Variants in AKAP6 observed in about 807,000 individuals in gnomAD.
The protein encoded by AKAP6 is A-kinase anchoring protein 6, also known as A-kinase anchor protein 6.
In AKAP6, 58 loss-of-function variants were observed where a neutral mutation model predicts 188.5. The ratio of observed to expected loss-of-function variants is 0.31; its 90% CI spans 0.25 to 0.38. The LOEUF (loss-of-function observed/expected upper bound fraction) is 0.38, where lower values mean the gene tolerates loss of function less well. Among genes scored for constraint, AKAP6 ranks in the 10% least tolerant of loss-of-function variants. The pLI, the probability that AKAP6 is intolerant of heterozygous loss-of-function variation, is 1.00. For missense variants in AKAP6, 2,710 were observed against 2,740.0 expected (o/e 0.99, Z 0.24); for synonymous variants, 989 against 998.6 (o/e 0.99, Z 0.18).
chr14:32,466,433 G>A (rs987995131), intron 2 of AKAP6, among the ~76,000 whole-genome samples: 1 of 152,112 alleles, frequency 6.6e-6, no homozygotes, highest in Non-Finnish European at 1.5e-5. Flanking sequence ...GCAGGGACAT[G>A]GATGAAGCTG....
At chr14:32,479,131 A>T (rs1184503389) in intron 2 of AKAP6, among the ~76,000 whole-genome samples, 1 of 152,194 alleles carries the variant, frequency 6.6e-6, no homozygotes, top group Non-Finnish European at 1.5e-5. Context: ...ATTATATACA[A>T]TTGCTTTTAA....
chr14:32,725,013 A>AAAAC (rs2030791342), intron 9 of AKAP6, among the ~76,000 whole-genome samples: 1 of 150,244 alleles, frequency 6.7e-6, no homozygotes, highest in African/African-American at 2.4e-5. Flanking sequence ...AAAAAAAAAA[A>AAAAC]AAAACAATTT....
chr14:32,425,621 G>GGAAGGAGAGGAAT (rs1400788300), intron 1 of AKAP6, among the ~76,000 whole-genome samples: 14 of 151,514 alleles, frequency 9.2e-5, no homozygotes, highest in African/African-American at 3.4e-4. Context: ...AGGGAAGGAA[G>GGAAGGAGAGGAAT]GAAGGAGAGG....
intron 8 of AKAP6, among the ~76,000 whole-genome samples, chr14:32,688,629 T>C (rs1003259562): frequency 6.6e-6 from 1 of 152,126 alleles, no homozygotes; most frequent in Non-Finnish European, 1.5e-5. Flanking sequence ...TGTTGAGACC[T>C]GAGAGGAATT....
At chr14:32,812,320 C>T (rs2034257564) in intron 12 of AKAP6, among the ~76,000 whole-genome samples, 1 of 152,098 alleles carries the variant, frequency 6.6e-6, no homozygotes, top group African/African-American at 2.4e-5. Flanking sequence ...TTATTTGTTT[C>T]AGTTCTATGT....
chr14:32,732,438 T>C lies in AKAP6; in HGVS notation c.3001-16T>C. ...CTCTCTCCCTAATGATATCTCTTTT[T>C]CTCTTTTCATTTTAGCGATACAGTG... On this transcript the variant is annotated splice_polypyrimidine_tract_variant and intron_variant, in intron 9 of 13. Coordinates refer to ENST00000280979, the MANE Select transcript of AKAP6 (RefSeq NM_004274.5). 1.2e-6 allele frequency: 2 copies of C among 1,605,118 alleles called. No individual in the cohort carries two copies. The highest frequency in any genetic ancestry group is 8.5e-7 in the Non-Finnish European group (1 of 1,176,382).
At chr14:32,722,565 G>A (rs924665817) in intron 9 of AKAP6, among the ~76,000 whole-genome samples, 1 of 152,018 alleles carries the variant, frequency 6.6e-6, no homozygotes, top group African/African-American at 2.4e-5. Flanking sequence ...CCCTGTACCC[G>A]TAAAAACCCC....
chr14:32,515,510 A>C (rs1466068846), intron 2 of AKAP6, among the ~76,000 whole-genome samples: 1 of 152,188 alleles, frequency 6.6e-6, no homozygotes, highest in Admixed American at 6.5e-5. Context: ...GGGTAACTAA[A>C]GCTTGGGCTG....
At chr14:32,780,155 A>AATATATATATATATATATATAT (rs1555361856) in intron 12 of AKAP6, among the ~76,000 whole-genome samples, 2 of 91,510 alleles carry the variant, frequency 2.2e-5, no homozygotes, top group African/African-American at 4.1e-5. Context: ...TGAAAAAAAA[A>AATATATATATATATATATATAT]ACATATATAT....
intron 7 of AKAP6, among the ~76,000 whole-genome samples, chr14:32,648,848 C>A (rs986157355): frequency 2.0e-5 from 3 of 151,940 alleles, no homozygotes; most frequent in Admixed American, 1.3e-4. Context: ...ATTCATGAGG[C>A]GGTACCTCTA....
At chr14:32,611,293 C>G (rs1050043026) in intron 7 of AKAP6, among the ~76,000 whole-genome samples, 2 of 152,236 alleles carry the variant, frequency 1.3e-5, no homozygotes, top group Middle Eastern at 6.8e-3. Context: ...GTACAGTGAC[C>G]TTGATGCACA....
intron 9 of AKAP6, chr14:32,726,210 C>A: frequency 5.1e-6 from 5 of 983,496 alleles, no homozygotes; most frequent in Non-Finnish European, 6.0e-6. Context: ...TTACTGCAGA[C>A]TAAGGAGAAA....
chr14:32,761,586 T>C (rs1397424929), intron 11 of AKAP6, among the ~76,000 whole-genome samples: 1 of 152,162 alleles, frequency 6.6e-6, no homozygotes, highest in Admixed American at 6.5e-5. Context: ...GTAAATAATC[T>C]GTCCTCTCCC....
chr14:32,683,443 G>C (rs1055175424), intron 8 of AKAP6, among the ~76,000 whole-genome samples: 1 of 152,198 alleles, frequency 6.6e-6, no homozygotes, highest in Non-Finnish European at 1.5e-5. Flanking sequence ...AGGATGAAGA[G>C]AGTGAGGGAG....
intron 4 of AKAP6, among the ~76,000 whole-genome samples, chr14:32,565,927 C>T (rs1417682391): frequency 4.6e-5 from 7 of 152,126 alleles, no homozygotes; most frequent in East Asian, 1.9e-4. Flanking sequence ...TGTCAGGGCT[C>T]AATTTCCTGT....
intron 7 of AKAP6, among the ~76,000 whole-genome samples, chr14:32,610,563 T>G (rs770124401): frequency 1.3e-5 from 2 of 152,214 alleles, no homozygotes; most frequent in Non-Finnish European, 2.9e-5. Context: ...TAAGGCAGAC[T>G]GTGCGATGAA....
At chr14:32,696,985 G>A (rs1890430329) in intron 9 of AKAP6, among the ~76,000 whole-genome samples, 2 of 152,068 alleles carry the variant, frequency 1.3e-5, no homozygotes, top group South Asian at 4.1e-4. Context: ...AGAGCAGATT[G>A]TGAATCATAA....
chr14:32,685,965 A>C (rs1330910930), intron 8 of AKAP6, among the ~76,000 whole-genome samples: 1 of 152,208 alleles, frequency 6.6e-6, no homozygotes, highest in Non-Finnish European at 1.5e-5. Flanking sequence ...GGAAATCAGT[A>C]TATGAAAGAA....
rs767809823 is a variant in AKAP6 at position 32,833,042 on chromosome 14, CAATA to C, written c.*3247_*3250del. 6.6e-6 allele frequency: 1 copy of C among 152,432 alleles called. No homozygotes were observed. The highest frequency in any genetic ancestry group is 1.5e-5 in the Non-Finnish European group (1 of 68,012). 9.4% of individuals were successfully genotyped at this position (152,432 alleles called of 1,614,324 possible). On this transcript the variant is annotated 3_prime_UTR_variant, in exon 14 of 14. Coordinates refer to ENST00000280979, the MANE Select transcript of AKAP6 (RefSeq NM_004274.5). ...TTATTCTATTATTGTAAATTTCAAACAATAAATAAATAAGAATCCATGACTTCCT... is the reference window on the plus strand; with the variant it reads ...TTATTCTATTATTGTAAATTTCAAACAATAAATAAGAATCCATGACTTCCT...
Sources: allele counts gnomAD v4.1 joint callset (sites outside exome capture counted in the v4.1 genomes callset), GRCh38; gene constraint gnomAD v4.1.1; transcripts MANE v1.5; gene names NCBI Gene and HGNC (gene_info 2026-07-23, HGNC 2026-07-21).